Variants in NMNAT3 observed in about 807,000 individuals in gnomAD.
NMNAT3 encodes the protein nicotinamide nucleotide adenylyltransferase 3.
NMNAT3 carries 21 observed loss-of-function variants against 24.8 expected under a neutral mutation model. The ratio of observed to expected loss-of-function variants is 0.85; its 90% CI spans 0.60 to 1.22. NMNAT3 has a LOEUF of 1.22. Among genes scored for constraint, NMNAT3 ranks in the 50% most tolerant of loss-of-function variants. NMNAT3 has a pLI of 0.00. For missense variants in NMNAT3, 387 were observed against 436.6 expected, an observed-to-expected ratio of 0.89 and a Z score of 1.01; for synonymous variants, 136 against 155.2, an observed-to-expected ratio of 0.88 and a Z score of 0.92.
At chr3:139,565,384 T>G (rs546709719) in intron 6 of NMNAT3, 27 of 152,232 alleles carry the variant, frequency 1.8e-4, no homozygotes, top group Admixed American at 3.9e-4. Flanking sequence ...TATTGTACTT[T>G]AAGTTTTAGG....
chr3:139,581,960 C>T (rs1242621552), intron 4 of NMNAT3, among the ~76,000 whole-genome samples: 3 of 150,752 alleles, frequency 2.0e-5, no homozygotes, highest in Admixed American at 6.6e-5. Context: ...TTTGGGAGGC[C>T]GGGGTGGGGG....
intron 1 of NMNAT3, among the ~76,000 whole-genome samples, chr3:139,654,909 C>CTGG (rs760421118): frequency 6.6e-5 from 10 of 152,156 alleles, no homozygotes; most frequent in Non-Finnish European, 8.8e-5. Flanking sequence ...CCTGCCTGTG[C>CTGG]TGGTGGGAGG....
intron 1 of NMNAT3, among the ~76,000 whole-genome samples, chr3:139,659,994 T>C (rs1264047635): frequency 1.3e-5 from 2 of 152,192 alleles, no homozygotes; most frequent in Admixed American, 6.5e-5. Context: ...GCCCTCTTGG[T>C]GGTTCTATTT....
intron 2 of NMNAT3, among the ~76,000 whole-genome samples, chr3:139,633,866 G>A (rs1179492087): frequency 6.6e-6 from 1 of 152,166 alleles, no homozygotes; most frequent in Non-Finnish European, 1.5e-5. Flanking sequence ...GCCTCTGAAC[G>A]ATTTTAAACA....
chr3:139,612,219 G>A (rs12635533), intron 3 of NMNAT3, among the ~76,000 whole-genome samples: 52,906 of 151,262 alleles, frequency 0.35, 10,877 homozygotes, highest in South Asian at 0.67. Flanking sequence ...CATAGTTTGG[G>A]ACTCTGAACG....
At chr3:139,670,269 G>A (rs2057716059) in intron 1 of NMNAT3, among the ~76,000 whole-genome samples, 2 of 152,306 alleles carry the variant, frequency 1.3e-5, no homozygotes, top group South Asian at 4.1e-4. Context: ...CTTAGAGCAA[G>A]CCAGCTTGAC....
At chr3:139,658,920 C>T (rs1265394857) in intron 1 of NMNAT3, among the ~76,000 whole-genome samples, 1 of 152,112 alleles carries the variant, frequency 6.6e-6, no homozygotes, top group African/African-American at 2.4e-5. Context: ...TGTCCCTTCC[C>T]TCTCAATCCC....
chr3:139,573,821 GTGGCAGGCA>G, intron 5 of NMNAT3, 141 bp from the exon 6 acceptor site: 1 of 501,760 alleles, frequency 2.0e-6, no homozygotes, highest in East Asian at 3.3e-5. Flanking sequence ...GGCCTACTCT[GTGGCAGGCA>G]TTGCCAGGAG....
intron 3 of NMNAT3, among the ~76,000 whole-genome samples, chr3:139,618,364 T>C (rs1281544796): frequency 6.6e-6 from 1 of 152,210 alleles, no homozygotes; most frequent in Non-Finnish European, 1.5e-5. Flanking sequence ...AAAGTTTTGA[T>C]ATATTATAGT....
At chr3:139,677,126 A>C (rs1360756409) in intron 1 of NMNAT3, among the ~76,000 whole-genome samples, 2 of 152,076 alleles carry the variant, frequency 1.3e-5, no homozygotes, top group African/African-American at 4.8e-5. Flanking sequence ...GGAATTCTCT[A>C]AAGTTTTAGT....
intron 6 of NMNAT3, chr3:139,570,193 T>C (rs534938182): frequency 2.0e-5 from 3 of 152,356 alleles, no homozygotes; most frequent in South Asian, 2.1e-4. Flanking sequence ...TTCAGCTCCA[T>C]CAGGTCCTTT....
At chr3:139,627,537 A>G in intron 3 of NMNAT3, 79 bp downstream of exon 4, 1 of 717,120 alleles carries the variant, frequency 1.4e-6, no homozygotes. Context: ...TTTTAATAAT[A>G]GTGATGCCAG....
chr3:139,656,800 A>G (rs1158726305), intron 1 of NMNAT3, among the ~76,000 whole-genome samples: 1 of 152,178 alleles, frequency 6.6e-6, no homozygotes, highest in Admixed American at 6.5e-5. Flanking sequence ...TCTAAAAACA[A>G]ACAAAGACCA....
chr3:139,671,970 C>T (rs1054162831), intron 1 of NMNAT3, among the ~76,000 whole-genome samples: 12 of 152,166 alleles, frequency 7.9e-5, no homozygotes, highest in African/African-American at 2.4e-4. Context: ...AGCCCAAATT[C>T]GGGTTGGTTT....
intron 3 of NMNAT3, among the ~76,000 whole-genome samples, chr3:139,620,937 G>A (rs112487790): frequency 6.6e-6 from 1 of 152,156 alleles, no homozygotes; most frequent in African/African-American, 2.4e-5. Flanking sequence ...AGGACCACAG[G>A]CATGTACTGC....
At chr3:139,618,441 G>C (rs754930757) in intron 3 of NMNAT3, among the ~76,000 whole-genome samples, 1 of 152,140 alleles carries the variant, frequency 6.6e-6, no homozygotes, top group Admixed American at 6.6e-5. Flanking sequence ...ACAAAGGAAG[G>C]ACAATTGTAG....
intron 1 of NMNAT3, among the ~76,000 whole-genome samples, chr3:139,638,854 A>G (rs553696114): frequency 2.4e-4 from 36 of 152,270 alleles, no homozygotes; most frequent in Non-Finnish European, 4.4e-4. Flanking sequence ...TTCAGGTGTC[A>G]TCCAGAGCCC....
chr3:139,613,823 A>G (rs1417511773), intron 3 of NMNAT3, among the ~76,000 whole-genome samples: 1 of 152,174 alleles, frequency 6.6e-6, no homozygotes, highest in Non-Finnish European at 1.5e-5. Context: ...TGATGAGTTC[A>G]TGTCCTTTGT....
chr3:139,612,428 T>C (rs977629845), intron 3 of NMNAT3, among the ~76,000 whole-genome samples: 3 of 152,124 alleles, frequency 2.0e-5, no homozygotes, highest in Admixed American at 6.5e-5. Context: ...TGTCACAAGA[T>C]CACCTTGGCA....
Sources: allele counts gnomAD v4.1 joint callset (sites outside exome capture counted in the v4.1 genomes callset), GRCh38; gene constraint gnomAD v4.1.1; transcripts MANE v1.5; gene names NCBI Gene and HGNC (gene_info 2026-07-23, HGNC 2026-07-21).